The following DPP10 variants were observed in gnomAD, a reference collection of about 807,000 sequenced individuals.
DPP10 encodes the protein dipeptidyl peptidase like 10, also known as inactive dipeptidyl peptidase 10.
A neutral mutation model predicts 120.9 loss-of-function variants in DPP10; 33 were observed. The ratio of observed to expected loss-of-function variants is 0.27; its 90% CI spans 0.21 to 0.37. The LOEUF is 0.37. Among genes scored for constraint, DPP10 ranks in the 10% least tolerant of loss-of-function variants. The pLI, the probability that DPP10 is intolerant of heterozygous loss-of-function variation, is 1.00. For synonymous variants in DPP10, 337 were observed against 326.1 expected (o/e 1.03, Z -0.36); for missense variants, 816 against 942.8 (o/e 0.87, Z 1.76).
intron 5 of DPP10, among the ~76,000 whole-genome samples, chr2:115,592,044 A>G (rs1163304732): frequency 2.6e-5 from 4 of 151,968 alleles, no homozygotes; most frequent in South Asian, 4.2e-4. Flanking sequence ...TTTTCCCCCT[A>G]CCTACTAAAG....
Position 115,149,611 on chromosome 2 carries a change from A to G in DPP10, c.61-159628A>G, listed in dbSNP as rs141510235. On this transcript the variant is annotated intron_variant, in intron 1 of 25. Transcript: ENST00000410059. ...GATACTTCCCATGTTAGTTCATAAC[A>G]AAATGTTTCAGATTTATCTGGTGTG... is the stretch of plus-strand genomic sequence containing the variant. 4.0e-4 allele frequency among the ~76,000 whole-genome samples: 61 copies of G among 152,338 alleles called. 1 individual carries two copies. The highest frequency in any genetic ancestry group is 6.6e-4 in the Non-Finnish European group (45 of 68,024).
chr2:115,101,128 T>G (rs556459068), intron 1 of DPP10, among the ~76,000 whole-genome samples: 4 of 152,184 alleles, frequency 2.6e-5, no homozygotes, highest in Admixed American at 2.6e-4. Context: ...GGGATTTTGA[T>G]GTAATAGTGA....
intron 1 of DPP10, among the ~76,000 whole-genome samples, chr2:115,219,834 C>G (rs1198033166): frequency 1.3e-5 from 2 of 152,154 alleles, no homozygotes; most frequent in Non-Finnish European, 2.9e-5. Flanking sequence ...TTTAATAGTA[C>G]TATCTTGCCT....
chr2:115,462,607 C>T (rs891278610), intron 3 of DPP10, among the ~76,000 whole-genome samples: 1 of 152,086 alleles, frequency 6.6e-6, no homozygotes, highest in Admixed American at 6.5e-5. Flanking sequence ...ATATTGAATA[C>T]AGAATCCGAA....
At chr2:114,681,350 C>T (rs1420489366) in intron 1 of DPP10, among the ~76,000 whole-genome samples, 1 of 151,942 alleles carries the variant, frequency 6.6e-6, no homozygotes, top group Admixed American at 6.6e-5. Flanking sequence ...ACTCTCAAGC[C>T]AGTTTTCAAT....
intron 5 of DPP10, among the ~76,000 whole-genome samples, chr2:115,648,548 A>C (rs192411029): frequency 1.3e-5 from 2 of 152,006 alleles, no homozygotes; most frequent in East Asian, 3.9e-4. Context: ...GGTGCAGCAA[A>C]CCACCATGGC....
At chr2:115,132,183 T>G (rs1168933597) in intron 1 of DPP10, among the ~76,000 whole-genome samples, 1 of 152,136 alleles carries the variant, frequency 6.6e-6, no homozygotes, top group Non-Finnish European at 1.5e-5. Context: ...AGACTTGAAG[T>G]TAGTAGGCAG....
intron 4 of DPP10, among the ~76,000 whole-genome samples, chr2:115,519,002 A>G (rs1328747925): frequency 6.6e-6 from 1 of 152,178 alleles, no homozygotes; most frequent in Non-Finnish European, 1.5e-5. Flanking sequence ...AACTTCACAT[A>G]AATAATTTGC....
intron 3 of DPP10, among the ~76,000 whole-genome samples, chr2:115,475,657 G>A (rs1219424000): frequency 6.6e-6 from 1 of 152,188 alleles, no homozygotes; most frequent in Non-Finnish European, 1.5e-5. Context: ...AGAGCCACAG[G>A]CACTCAACGC....
At chr2:115,692,763 A>C (rs1177885352) in intron 7 of DPP10, among the ~76,000 whole-genome samples, 1 of 152,094 alleles carries the variant, frequency 6.6e-6, no homozygotes, top group East Asian at 1.9e-4. Context: ...TCATTGTGAT[A>C]ATTATTTTGG....
At chr2:115,717,451 A>C (rs1208461188) in intron 7 of DPP10, among the ~76,000 whole-genome samples, 1 of 152,210 alleles carries the variant, frequency 6.6e-6, no homozygotes, top group African/African-American at 2.4e-5. Flanking sequence ...TATTTGTGTT[A>C]AGTTTCACCA....
intron 1 of DPP10, among the ~76,000 whole-genome samples, chr2:114,587,256 G>A (rs186048268): frequency 3.5e-4 from 51 of 146,594 alleles, no homozygotes; most frequent in Admixed American, 1.0e-3. Context: ...GGCCAAGATC[G>A]CGCCATTGCA....
chr2:115,702,047 C>T (rs79924973), intron 7 of DPP10, among the ~76,000 whole-genome samples: 1,678 of 151,988 alleles, frequency 0.011, 21 homozygotes, highest in African/African-American at 0.036. Flanking sequence ...TTTGATAATA[C>T]CATTTACTAG....
intron 1 of DPP10, among the ~76,000 whole-genome samples, chr2:115,270,308 A>G (rs1349737253): frequency 6.6e-6 from 1 of 152,058 alleles, no homozygotes; most frequent in African/African-American, 2.4e-5. Context: ...TTTATTACTC[A>G]TGAGTCCACG....
intron 1 of DPP10, among the ~76,000 whole-genome samples, chr2:115,177,783 A>T (rs943993269): frequency 7.5e-5 from 6 of 80,374 alleles, no homozygotes; most frequent in Non-Finnish European, 1.1e-4. Context: ...TGTTTGTTTG[A>T]GACAGAGTCT....
chr2:115,119,898 T>A (rs1053962753), intron 1 of DPP10, among the ~76,000 whole-genome samples: 1 of 152,168 alleles, frequency 6.6e-6, no homozygotes, highest in African/African-American at 2.4e-5. Flanking sequence ...GGAGAACCAT[T>A]TCCAGGTTTC....
chr2:114,785,094 G>A (rs751402920), intron 1 of DPP10, among the ~76,000 whole-genome samples: 13 of 152,114 alleles, frequency 8.5e-5, no homozygotes, highest in African/African-American at 1.4e-4. Context: ...TCTGGTCACC[G>A]GATGGTTGAA....
intron 1 of DPP10, among the ~76,000 whole-genome samples, chr2:115,272,934 A>G (rs1197235913): frequency 2.0e-5 from 3 of 152,226 alleles, no homozygotes; most frequent in African/African-American, 7.2e-5. Context: ...TACTTCAATC[A>G]GATGTGAAGA....
chr2:115,721,026 C>A (rs571832807), intron 7 of DPP10, among the ~76,000 whole-genome samples: 13 of 152,076 alleles, frequency 8.5e-5, no homozygotes, highest in Non-Finnish European at 1.3e-4. Context: ...GATATGCAAC[C>A]AGTGCTAAAA....
Sources: allele counts gnomAD v4.1 joint callset (sites outside exome capture counted in the v4.1 genomes callset), GRCh38; gene constraint gnomAD v4.1.1; transcripts MANE v1.5; gene names NCBI Gene and HGNC (gene_info 2026-07-23, HGNC 2026-07-21).